ADAMTS15: variants seen among roughly 807,000 people sequenced by gnomAD.
ADAMTS15 encodes the protein ADAM metallopeptidase with thrombospondin type 1 motif 15.
ADAMTS15 carries 35 observed loss-of-function variants against 79.1 expected under a neutral mutation model. That is an observed-to-expected ratio of 0.44 (90% CI 0.34 to 0.59). The LOEUF (loss-of-function observed/expected upper bound fraction) is 0.59, where lower values mean the gene tolerates loss of function less well. Among genes scored for constraint, ADAMTS15 ranks in the 20% least tolerant of loss-of-function variants. The probability of loss-of-function intolerance (pLI) is 0.02; values close to 1 mark genes in which losing one functional copy is unlikely to be tolerated. For synonymous variants in ADAMTS15, 616 were observed against 567.3 expected, an observed-to-expected ratio of 1.09 and a Z score of -1.22; for missense variants, 1,324 against 1,318.7, an observed-to-expected ratio of 1.00 and a Z score of -0.06.
In ADAMTS15 at chr11:130,449,691, C is replaced by T. The variant is rs1273374327; in HGVS notation, c.718C>T (p.His240Tyr). 6.2e-7 allele frequency: 1 copy of T among 1,607,836 alleles called. No homozygotes were observed. Among genetic ancestry groups the T allele is most frequent in the East Asian group, 2.2e-5 (1 of 44,658 alleles). Residue 240 changes from histidine (H) to tyrosine (Y), a missense_variant, in exon 1 of 8, where the codon CAT (histidine) becomes TAT (tyrosine). Transcript: ENST00000299164. This position sits in a 1 kb window ranked among gnomAD's most constrained non-coding sequence, Gnocchi z 7.8. ...CAAGTTCCACGGCGCGGACCTGGAA[C>T]ATTATCTGCTGACGCTGCTGGCAAC... Reference protein sequence around the residue: ...MVKFHGADLEHYLLTLLATAA... With the variant: ...MVKFHGADLEYYLLTLLATAA...
rs527971574 is a variant in ADAMTS15 at position 130,456,629 on chromosome 11, C to T, written c.958-4860C>T. Among the ~76,000 whole-genome samples, 171 of 152,148 alleles carry T rather than the reference C, an allele frequency of 1.1e-3. 1 individual carries two copies. The highest frequency in any genetic ancestry group is 2.2e-3 in the Non-Finnish European group (151 of 68,042). On this transcript the variant is annotated intron_variant, in intron 1 of 7. Coordinates refer to ENST00000299164, the MANE Select transcript of ADAMTS15 (RefSeq NM_139055.4). ...GTTAAAGGTACAGTAGTAATACTAG[C>T]GCAGGGTGCTTTTCACCAGTAATTA...
intron 1 of ADAMTS15, among the ~76,000 whole-genome samples, chr11:130,456,045 C>T (rs1938071893): frequency 6.6e-6 from 1 of 152,192 alleles, no homozygotes; most frequent in African/African-American, 2.4e-5. Context: ...ACTCTGCGCC[C>T]TTCCTCTCTG....
chr11:130,467,286 T>TG (rs958061225), intron 4 of ADAMTS15, among the ~76,000 whole-genome samples: 9 of 151,846 alleles, frequency 5.9e-5, no homozygotes, highest in African/African-American at 2.2e-4. Context: ...TTCTGGGGTG[T>TG]GATGGGGACA....
intron 1 of ADAMTS15, among the ~76,000 whole-genome samples, chr11:130,452,903 C>A (rs763715593): frequency 6.3e-4 from 95 of 151,792 alleles, no homozygotes; most frequent in Non-Finnish European, 8.8e-4. Flanking sequence ...ATCACTTGAA[C>A]CTGGAAGGCG....
In ADAMTS15 at chr11:130,468,540, C is replaced by T. The variant is rs903628249; in HGVS notation, c.1543-722C>T. Among the ~76,000 whole-genome samples, 289 of 151,448 alleles carry T rather than the reference C, an allele frequency of 1.9e-3. 1 individual carries two copies. The highest frequency in any genetic ancestry group is 6.6e-3 in the African/African-American group (273 of 41,272). On this transcript the variant is annotated intron_variant, in intron 4 of 7. Transcript: ENST00000299164. ...CAGCACTTTGGGAGGCCGAGGCGGG[C>T]GGATCACGAGGTCAGGAGATCGAGA...
intron 4 of ADAMTS15, among the ~76,000 whole-genome samples, chr11:130,468,939 C>CAAAAAAAAAAAAAAAAAAAAAAAAAAAAA (rs911391031): frequency 3.6e-5 from 1 of 27,856 alleles, no homozygotes; most frequent in African/African-American, 9.9e-5. Context: ...TCCACCTCAA[C>CAAAAAAAAAAAAAAAAAAAAAAAAAAAAA]AAAAAAAAAA....
In ADAMTS15 at chr11:130,473,609, G is replaced by C; in HGVS notation, c.2641G>C (p.Ala881Pro). 6.2e-7 allele frequency: 1 copy of C among 1,609,642 alleles called. No homozygotes were observed. The highest frequency in any genetic ancestry group is 1.1e-5 in the South Asian group (1 of 90,982). ...GQRTVPACDA[A>P]HRPVETQACG... ...GCGCACGGTCCCTGCCTGTGATGCA[G>C]CCCATCGGCCCGTGGAGACACAAGC... Residue 881 changes from alanine (A) to proline (P), a missense_variant, in exon 8 of 8, where the codon GCC becomes CCC. Transcript: ENST00000299164.
intron 1 of ADAMTS15, among the ~76,000 whole-genome samples, chr11:130,456,335 A>G (rs1389813482): frequency 6.6e-6 from 1 of 151,652 alleles, no homozygotes; most frequent in Non-Finnish European, 1.5e-5. Context: ...CTTCTTCCTC[A>G]TTGAGGTAAT....
At chr11:130,460,527 T>C (rs1032946424) in intron 1 of ADAMTS15, among the ~76,000 whole-genome samples, 1 of 152,184 alleles carries the variant, frequency 6.6e-6, no homozygotes, top group African/African-American at 2.4e-5. Context: ...TTCACCTGCC[T>C]CGGCCTCCCA....
intron 1 of ADAMTS15, among the ~76,000 whole-genome samples, chr11:130,456,448 A>G (rs1041126033): frequency 6.6e-6 from 1 of 152,200 alleles, no homozygotes; most frequent in African/African-American, 2.4e-5. Context: ...GAAGTAACTA[A>G]CATTCTTCGT....
chr11:130,470,993 T>C lies in ADAMTS15; in HGVS notation c.1794T>C (p.Thr598=). 1 of 1,613,828 alleles carries C rather than the reference T, an allele frequency of 6.2e-7. No individual in the cohort carries two copies. The highest frequency in any genetic ancestry group is 1.3e-5 in the African/African-American group (1 of 75,048). The part of the protein sequence containing the change: ...NGYNHSTNRL[T]LAVAWVPKYS... The stretch of plus-strand genomic sequence containing the variant: ...ACAACCACAGCACCAACCGGCTCAC[T>C]CTCGCCGTGGCATGGGTGCCCAAGT... The change falls in exon 6 of 8, where the codon ACT becomes ACC. Residue 598 remains threonine, a synonymous_variant. Coordinates refer to ENST00000299164, the MANE Select transcript of ADAMTS15 (RefSeq NM_139055.4).
intron 4 of ADAMTS15, among the ~76,000 whole-genome samples, chr11:130,464,544 TC>T (rs1938263773): frequency 6.6e-6 from 1 of 152,144 alleles, no homozygotes; most frequent in Admixed American, 6.5e-5. Flanking sequence ...AATTCCTCAA[TC>T]CCATCTGGGC....
intron 2 of ADAMTS15, 29 bp downstream of exon 2, chr11:130,461,650 C>T (rs775257958): frequency 1.2e-6 from 2 of 1,612,336 alleles, no homozygotes; most frequent in Non-Finnish European, 1.7e-6. Context: ...CTCCTGGGGT[C>T]TTCTGGGTTT....
In ADAMTS15 at chr11:130,462,375, G is replaced by C. The variant is rs543243268; in HGVS notation, c.1258+121G>C. The C allele has an allele frequency of 6.7e-7, 1 of 1,484,706 alleles. No individual in the cohort carries two copies. Among genetic ancestry groups the C allele is most frequent in the Admixed American group, 2.2e-5 (1 of 45,198 alleles). The allele number at this position is 1,484,706 out of a possible 1,614,324, so 92.0% of individuals were successfully genotyped here. ...TAGGTGTGTGTGCCCCCTCGGAGCCGGGCTCTGACATGAGTGCATTCCTGT... is the reference window on the plus strand; with the variant it reads ...TAGGTGTGTGTGCCCCCTCGGAGCCCGGCTCTGACATGAGTGCATTCCTGT... On this transcript the variant is annotated intron_variant, in intron 3 of 7. Transcript: ENST00000299164. The surrounding 1 kb of genome is among the most constrained non-coding windows in gnomAD (Gnocchi z 4.3).
chr11:130,470,978 C>T lies in ADAMTS15; in HGVS notation c.1779C>T (p.Ser593=). 2 of 1,613,916 alleles carry T rather than the reference C, an allele frequency of 1.2e-6. No individual in the cohort carries two copies. Among genetic ancestry groups the T allele is most frequent in the Admixed American group, 3.3e-5 (2 of 60,032 alleles). The change falls in exon 6 of 8, where the codon AGC becomes AGT. Residue 593 remains serine (S), a synonymous_variant. Coordinates refer to ENST00000299164, the MANE Select transcript of ADAMTS15 (RefSeq NM_139055.4). ...QCEAFNGYNH[S]TNRLTLAVAW... is the part of the protein sequence containing the mutation. The stretch of plus-strand genomic sequence containing the variant: ...AGGCTTTCAACGGCTACAACCACAG[C>T]ACCAACCGGCTCACTCTCGCCGTGG...
rs775862604 is a variant in ADAMTS15, at chr11:130,449,298, G to A, written c.325G>A (p.Ala109Thr). 1.2e-6 allele frequency: 2 copies of A among 1,611,256 alleles called. No individual in the cohort carries two copies. The highest frequency in any genetic ancestry group is 1.7e-6 in the Non-Finnish European group (2 of 1,180,034). Residue 109 changes from alanine (A) to threonine (T), a missense_variant, in exon 1 of 8, where the codon GCC becomes ACC. Coordinates refer to ENST00000299164, the MANE Select transcript of ADAMTS15 (RefSeq NM_139055.4). The surrounding 1 kb of genome is among the most constrained non-coding windows in gnomAD (Gnocchi z 7.8). ...CTGCTTCTATTCTGGGGACGTGAAC[G>A]CCGAGCCGGACTCGTTCGCTGCTGT... ...RRCFYSGDVN[A>T]EPDSFAAVSL...
rs780678158 is a variant in ADAMTS15, at chr11:130,462,228, T to C, written c.1232T>C (p.Ile411Thr). The stretch of plus-strand genomic sequence containing the variant: ...TGGTCAGCCTGCAGTGCTGCCATCA[T>C]CACCGACTTCCTGGACAGCGGGCAC... ...NPWSACSAAI[I>T]TDFLDSGHGD... Residue 411 changes from isoleucine (I) to threonine (T), a missense_variant, in exon 3 of 8, where the codon ATC becomes ACC. Coordinates refer to ENST00000299164, the MANE Select transcript of ADAMTS15 (RefSeq NM_139055.4). The surrounding 1 kb of genome is among the most constrained non-coding windows in gnomAD (Gnocchi z 4.3). 6.2e-7 allele frequency: 1 copy of C among 1,613,986 alleles called. No homozygotes were observed. The highest frequency in any genetic ancestry group is 1.1e-5 in the South Asian group (1 of 91,074).
intron 4 of ADAMTS15, among the ~76,000 whole-genome samples, chr11:130,467,237 C>T (rs1015174729): frequency 6.6e-6 from 1 of 152,094 alleles, no homozygotes; most frequent in African/African-American, 2.4e-5. Flanking sequence ...CACACTCTTT[C>T]AGTCTTCTGA....
At chr11:130,470,133 C>CATATATATATATATATGTGTATATAT (rs1686071441) in intron 5 of ADAMTS15, among the ~76,000 whole-genome samples, 10 of 74,786 alleles carry the variant, frequency 1.3e-4, no homozygotes, top group South Asian at 7.7e-4. Flanking sequence ...TATATATATA[C>CATATATATATATATATGTGTATATAT]ATATATATAT....
Sources: gnomAD v4.1 joint callset for allele counts (sites outside exome capture counted in the v4.1 genomes callset) on GRCh38, gnomAD v4.1.1 for gene constraint, Gnocchi (gnomAD v3.1) non-coding constraint, MANE v1.5 for transcripts, NCBI Gene and HGNC (gene_info 2026-07-23, HGNC 2026-07-21) for gene names.